PPP4C: variants seen among roughly 807,000 people sequenced by gnomAD.
PPP4C encodes serine/threonine-protein phosphatase 4 catalytic subunit.
PPP4C carries 10 observed loss-of-function variants against 40.5 expected under a neutral mutation model. The observed-to-expected ratio is 0.25, with a 90% CI of 0.15 to 0.42. The LOEUF is 0.42. Among genes scored for constraint, PPP4C ranks in the 10% least tolerant of loss-of-function variants. The probability of loss-of-function intolerance (pLI) is 1.00; values close to 1 mark genes in which losing one functional copy is unlikely to be tolerated. For missense variants in PPP4C, 191 were observed against 416.4 expected, an observed-to-expected ratio of 0.46 and a Z score of 4.71; for synonymous variants, 187 against 163.6, an observed-to-expected ratio of 1.14 and a Z score of -1.09.
In PPP4C at chr16:30,076,000, A is replaced by C; in HGVS notation, c.-158A>C. On this transcript the variant is annotated 5_prime_UTR_variant, in exon 1 of 9. Coordinates refer to ENST00000279387, the MANE Select transcript of PPP4C (RefSeq NM_002720.3). ...CCTTTGCTTCCGCGGCGGGGCCGGA[A>C]GTAGGAGCGGCGGCGGCGGCGGCGG... 1.8e-5 allele frequency: 6 copies of C among 340,866 alleles called. No homozygotes were observed. The highest frequency in any genetic ancestry group is 2.3e-5 in the African/African-American group (1 of 43,894). 21.1% of individuals were successfully genotyped at this position (340,866 alleles called of 1,614,324 possible).
rs550995565 is a variant in PPP4C at position 30,081,435 on chromosome 16, A to G, written c.150+125A>G. ...TTATCTGTCCTTTCCCTCACCTTCA[A>G]CGGAGCACTGCTAAAAGAAGTGGGG... On this transcript the variant is annotated intron_variant, in intron 3 of 8. Transcript: ENST00000279387. The G allele has an allele frequency of 1.3e-4, 101 of 758,756 alleles. 2 individuals are homozygous for G. In the South Asian group the frequency reaches 1.5e-3, roughly 11 times the overall value. The allele number at this position is 758,756 out of a possible 1,614,324, so 47.0% of individuals were successfully genotyped here.
In PPP4C at chr16:30,083,761, T is replaced by A. The variant is rs2072556258; in HGVS notation, c.584T>A (p.Leu195His). 6.2e-7 allele frequency: 1 copy of A among 1,614,090 alleles called. No homozygotes were observed. The highest frequency in any genetic ancestry group is 8.5e-7 in the Non-Finnish European group (1 of 1,180,002). ...CCTCATGATGGGCCCATGTGTGACC[T>A]CCTCTGGTCTGACCCAGAAGGTGAG... ...EVPHDGPMCDLLWSDPEDTTG... is the reference protein window; with the variant it reads ...EVPHDGPMCDHLWSDPEDTTG... The change falls in exon 7 of 9, where the codon CTC becomes CAC. Residue 195 changes from leucine to histidine, a missense_variant. This residue lies in a region of PPP4C where 171 missense variants were observed against 352.4 expected (regional missense o/e 0.49). Transcript: ENST00000279387. This position sits in a 1 kb window ranked among gnomAD's most constrained non-coding sequence, Gnocchi z 6.3.
At chr16:30,080,990 G>C (rs1004790230) in intron 2 of PPP4C, among the ~76,000 whole-genome samples, 3 of 152,212 alleles carry the variant, frequency 2.0e-5, no homozygotes, top group Non-Finnish European at 4.4e-5. Flanking sequence ...GCGGCAGGGG[G>C]AGTCAGGGCT....
At chr16:30,077,444 G>A (rs148429544) in intron 2 of PPP4C, among the ~76,000 whole-genome samples, 2 of 152,274 alleles carry the variant, frequency 1.3e-5, no homozygotes, top group East Asian at 3.9e-4. Flanking sequence ...AGGCCTTGAA[G>A]GATGAAGATA....
Position 30,082,835 on chromosome 16 carries a change from G to C in PPP4C, c.291G>C (p.Leu97=). The C allele has an allele frequency of 1.9e-6, 3 of 1,614,058 alleles. No individual in the cohort carries two copies. Among genetic ancestry groups the C allele is most frequent in the Non-Finnish European group, 2.5e-6 (3 of 1,179,978 alleles). ...GFYSVETFLL[L]LALKVRYPDR... ...ATAGCGTCGAAACGTTCCTCCTGCT[G>C]CTGGCACTTAAGGTGGCAGTCCCCG... Residue 97 remains leucine, a synonymous_variant, in exon 5 of 9, where the codon CTG becomes CTC. Transcript: ENST00000279387.
chr16:30,078,642 G>A (rs974433771), intron 2 of PPP4C, among the ~76,000 whole-genome samples: 23 of 152,166 alleles, frequency 1.5e-4, no homozygotes, highest in African/African-American at 5.1e-4. Flanking sequence ...TTGCCTAGAG[G>A]GCACAGACAT....
At chr16:30,081,423 C>A in intron 3 of PPP4C, 113 bp downstream of exon 3, 1 of 859,876 alleles carries the variant, frequency 1.2e-6, no homozygotes, top group Non-Finnish European at 1.9e-6. Flanking sequence ...TCTGTCCTTT[C>A]CCTCACCTTC....
At chr16:30,076,190 G>C (rs977005322) in intron 1 of PPP4C, 96 bp downstream of exon 1, 2 of 603,186 alleles carry the variant, frequency 3.3e-6, no homozygotes, top group African/African-American at 3.8e-5. Context: ...GTTGGACGCC[G>C]GGGGGTCCTG....
chr16:30,080,433 G>A (rs1360524811), intron 2 of PPP4C, among the ~76,000 whole-genome samples: 1 of 150,732 alleles, frequency 6.6e-6, no homozygotes, highest in Non-Finnish European at 1.5e-5. Context: ...AGACTGCACT[G>A]CAAGGAGAAA....
rs560610389 is a variant in PPP4C at position 30,077,699 on chromosome 16, C to T, written c.98+1224C>T. ...TACAGGGCCACTATTTGGCCTGGCC[C>T]GGTACTGGCAAAAAACTTCTATCCA... On this transcript the variant is annotated intron_variant, in intron 2 of 8. Coordinates refer to ENST00000279387, the MANE Select transcript of PPP4C (RefSeq NM_002720.3). Among the ~76,000 whole-genome samples, 6 of 152,306 alleles carry T rather than the reference C, an allele frequency of 3.9e-5. No homozygotes were observed. The South Asian group carries it at 1.0e-3, about 26-fold the overall frequency.
At chr16:30,082,228 A>G (rs974297906) in intron 3 of PPP4C, among the ~76,000 whole-genome samples, 6 of 152,098 alleles carry the variant, frequency 3.9e-5, no homozygotes, top group Non-Finnish European at 7.4e-5. Flanking sequence ...TGGGGAGTAG[A>G]GAGAGGAAGG....
intron 3 of PPP4C, 117 bp from the exon 4 acceptor site, chr16:30,082,366 CT>C: frequency 8.9e-7 from 1 of 1,119,750 alleles, no homozygotes; most frequent in Non-Finnish European, 1.3e-6. Flanking sequence ...AATTTTGGTC[CT>C]AGGAAGTAGA....
In PPP4C at chr16:30,085,005, T is replaced by C. The variant is rs757083912; in HGVS notation, c.867T>C (p.Ala289=). ...LQKDFIIFEA[A]PQETRGIPSK... is the part of the protein sequence containing the mutation. ...AAGATTTCATCATCTTTGAGGCTGC[T>C]CCCCAAGAGACACGGGGCATCCCCT... Residue 289 remains alanine (A), a synonymous_variant, in exon 9 of 9, where the codon GCT becomes GCC. Transcript: ENST00000279387. 6.2e-7 allele frequency: 1 copy of C among 1,614,120 alleles called. No individual in the cohort carries two copies. The highest frequency in any genetic ancestry group is 1.7e-5 in the Admixed American group (1 of 60,022).
intron 1 of PPP4C, 85 bp downstream of exon 1, chr16:30,076,179 C>G: frequency 1.8e-6 from 1 of 547,712 alleles, no homozygotes; most frequent in East Asian, 3.0e-5. Context: ...GCGGCCAGGC[C>G]GTTGGACGCC....
Position 30,085,211 on chromosome 16 carries a change from G to C in PPP4C, c.*149G>C. On this transcript the variant is annotated 3_prime_UTR_variant, in exon 9 of 9. Coordinates refer to ENST00000279387, the MANE Select transcript of PPP4C (RefSeq NM_002720.3). ...TGCTTCGAGGGTGAGGACTTCTCTG[G>C]AGAGGCCTGGAGACCTAGCTCCATG... 1 of 853,148 alleles carries C rather than the reference G, an allele frequency of 1.2e-6. No homozygotes were observed. Among genetic ancestry groups the C allele is most frequent in the Non-Finnish European group, 1.8e-6 (1 of 558,618 alleles). The allele number at this position is 853,148 out of a possible 1,614,324, so 52.8% of individuals were successfully genotyped here.
chr16:30,078,288 C>A (rs932832246), intron 2 of PPP4C, among the ~76,000 whole-genome samples: 1 of 152,180 alleles, frequency 6.6e-6, no homozygotes, highest in Non-Finnish European at 1.5e-5. Flanking sequence ...GGAAACTGAG[C>A]CTTTGAGTAG....
At chr16:30,079,830 GAGTC>G (rs1213881499) in intron 2 of PPP4C, among the ~76,000 whole-genome samples, 1 of 152,144 alleles carries the variant, frequency 6.6e-6, no homozygotes, top group Non-Finnish European at 1.5e-5. Context: ...TCTTGATAAA[GAGTC>G]AGACCCCAGA....
intron 2 of PPP4C, 143 bp downstream of exon 2, chr16:30,076,618 G>GA: frequency 1.3e-6 from 1 of 778,452 alleles, no homozygotes; most frequent in East Asian, 2.7e-5. Flanking sequence ...TGCCCTCGAG[G>GA]AAAAGCTAGC....
Position 30,081,129 on chromosome 16 carries a change from G to T in PPP4C, c.99-130G>T, listed in dbSNP as rs1048789545. 3 of 1,300,628 alleles carry T rather than the reference G, an allele frequency of 2.3e-6. No individual in the cohort carries two copies. In the Admixed American group the frequency reaches 5.1e-5, roughly 22 times the overall value. 80.6% of individuals were successfully genotyped at this position (1,300,628 alleles called of 1,614,324 possible). A position where few individuals can be genotyped will look rare whatever the true frequency, so the allele number is the denominator to read the frequency against. On this transcript the variant is annotated intron_variant, in intron 2 of 8. Coordinates refer to ENST00000279387, the MANE Select transcript of PPP4C (RefSeq NM_002720.3). ...GGCCGTGGTCAGCCTGTTTTGGGGA[G>T]ACTGTACGCTTCACTCCTGCCCCCT...
Sources: gnomAD v4.1 joint callset for allele counts (sites outside exome capture counted in the v4.1 genomes callset) on GRCh38, gnomAD v4.1.1 for gene constraint, gnomAD v4.1.1 regional missense constraint, Gnocchi (gnomAD v3.1) non-coding constraint, MANE v1.5 for transcripts, NCBI Gene and HGNC (gene_info 2026-07-23, HGNC 2026-07-21) for gene names.